The following PRH1 variants were observed in gnomAD, a reference collection of about 807,000 sequenced individuals.
PRH1 encodes salivary acidic proline-rich phosphoprotein 1/2.
PRH1 carries 7 observed loss-of-function variants against 7.9 expected under a neutral mutation model. That is an observed-to-expected ratio of 0.89 (90% confidence interval 0.50 to 1.67). The LOEUF (loss-of-function observed/expected upper bound fraction) is 1.67, where lower values mean the gene tolerates loss of function less well. Among genes scored for constraint, PRH1 ranks in the 40% most tolerant of loss-of-function variants. PRH1 has a pLI of 0.00. For missense variants in PRH1, 109 were observed against 223.6 expected (o/e 0.49, Z 3.27); for synonymous variants, 45 against 80.8 (o/e 0.56, Z 2.38).
intron 2 of PRH1, chr12:10,973,647 G>C (rs1302998101): frequency 1.3e-6 from 1 of 778,402 alleles, no homozygotes; most frequent in East Asian, 2.4e-5. Context: ...TTGATATGTA[G>C]AAGTTACCTG....
chr12:11,000,879 GT>G (rs1172923247), intron 1 of PRH1, among the ~76,000 whole-genome samples: 1 of 151,814 alleles, frequency 6.6e-6, no homozygotes, highest in East Asian at 1.9e-4. Context: ...TGCTATTATT[GT>G]TTTAGTAGCA....
intron 1 of PRH1, chr12:10,996,849 T>C: frequency 2.4e-6 from 3 of 1,253,874 alleles, no homozygotes; most frequent in Non-Finnish European, 3.2e-6. Context: ...ATTACTCAAA[T>C]ACATAGACTA....
intron 2 of PRH1, chr12:10,964,443 C>T (rs912515811): frequency 4.2e-6 from 1 of 239,284 alleles, no homozygotes; most frequent in Admixed American, 4.0e-5. Context: ...AGTTTCAGGT[C>T]TTTTACTCAG....
chr12:10,884,186 A>T lies in PRH1; in HGVS notation c.32T>A (p.Leu11Gln). 6.2e-7 allele frequency: 1 copy of T among 1,614,208 alleles called. No homozygotes were observed. The highest frequency in any genetic ancestry group is 8.5e-7 in the Non-Finnish European group (1 of 1,180,014). The part of the protein sequence containing the change: MLLILLSVAL[L>Q]AFSSAQDLNE... ...TAAATCCTGAGCTGAGCTGAAGGCC[A>T]GCAGGGCCACTGACAGCAGAATCAG... Residue 11 changes from leucine to glutamine, a missense_variant, in exon 1 of 4, where the codon CTG becomes CAG. By Grantham distance (113) the Leu-to-Gln change is moderately radical. This residue lies in a region of PRH1 where 60 missense variants were observed against 76.5 expected (regional missense o/e 0.78). Transcript: ENST00000543626.
At chr12:11,037,682 A>G (rs1942495567) in intron 1 of PRH1, among the ~76,000 whole-genome samples, 1 of 152,266 alleles carries the variant, frequency 6.6e-6, no homozygotes, top group Non-Finnish European at 1.5e-5. Flanking sequence ...TTTCAAATTC[A>G]TATTAGCATT....
chr12:11,106,502 T>A (rs957986371), intron 1 of PRH1, among the ~76,000 whole-genome samples: 5 of 152,038 alleles, frequency 3.3e-5, no homozygotes, highest in Non-Finnish European at 7.4e-5. Context: ...AAATATTAAT[T>A]TTTTAGTTAA....
At chr12:10,939,765 AGATCTATT>A (rs1404122525) in intron 2 of PRH1, among the ~76,000 whole-genome samples, 1 of 152,070 alleles carries the variant, frequency 6.6e-6, no homozygotes, top group Non-Finnish European at 1.5e-5. Flanking sequence ...TGCTTTTCTG[AGATCTATT>A]GAACAGCATT....
At chr12:11,062,390 A>C (rs1943650056) in intron 1 of PRH1, 1 of 1,347,546 alleles carries the variant, frequency 7.4e-7, no homozygotes, top group African/African-American at 1.5e-5. Context: ...TATGCACCTG[A>C]TTTGTGTATG....
chr12:11,021,934 C>T (rs370728247), intron 1 of PRH1: 33 of 1,614,040 alleles, frequency 2.0e-5, no homozygotes, highest in South Asian at 1.2e-4. Flanking sequence ...AGATCCTTTG[C>T]TATGGAGCCG....
chr12:11,029,712 A>C (rs1249489720), intron 1 of PRH1, among the ~76,000 whole-genome samples: 1 of 152,064 alleles, frequency 6.6e-6, no homozygotes. Flanking sequence ...ATTTTTTCCT[A>C]AGCTATTCAC....
chr12:10,929,243 A>T lies in PRH1; in HGVS notation c.-59+44412T>A, dbSNP rs1308727544. On this transcript the variant is annotated intron_variant, in intron 2 of 3. Coordinates refer to the PRH1 transcript ENST00000539853. ...AGCTGACACGTTTCTCCCAGCATAA[A>T]GTTGGGAGTGACACCAGAGCCTTCT... The T allele has an allele frequency of 1.2e-5, 20 of 1,613,702 alleles. No homozygotes were observed. The East Asian group carries it at 1.3e-4, about 11-fold the overall frequency.
In PRH1 at chr12:11,054,213, T is replaced by C. The variant is rs550713495; in HGVS notation, n.124-7025A>G. Among the ~76,000 whole-genome samples, 15 of 151,344 alleles carry C rather than the reference T, an allele frequency of 9.9e-5. No homozygotes were observed. In the East Asian group the frequency reaches 2.9e-3, roughly 29 times the overall value. ...CACAAAATCAACATATTTCTAATGA[T>C]TTGCAAGATATTTTTTCTTTTACCA... is the stretch of plus-strand genomic sequence containing the variant. On this transcript the variant is annotated intron_variant and non_coding_transcript_variant, in intron 1 of 4. Transcript: ENST00000541977.
chr12:11,030,533 C>T, intron 1 of PRH1: 1 of 1,614,202 alleles, frequency 6.2e-7, no homozygotes, highest in Non-Finnish European at 8.5e-7. Flanking sequence ...ATAGCTGAAT[C>T]TAATAGCTTT....
At chr12:10,926,444 T>C (rs936170515) in intron 2 of PRH1, among the ~76,000 whole-genome samples, 7 of 152,174 alleles carry the variant, frequency 4.6e-5, no homozygotes, top group Admixed American at 4.6e-4. Flanking sequence ...GATTTAGTCA[T>C]GTGGGTGTGA....
chr12:11,100,482 C>T (rs1164053351), intron 1 of PRH1, among the ~76,000 whole-genome samples: 2 of 152,190 alleles, frequency 1.3e-5, no homozygotes, highest in African/African-American at 4.8e-5. Flanking sequence ...GTGAGCAGCA[C>T]TGGATCTCAA....
intron 1 of PRH1, among the ~76,000 whole-genome samples, chr12:10,994,226 T>C (rs1232682127): frequency 6.6e-6 from 1 of 152,166 alleles, no homozygotes; most frequent in Non-Finnish European, 1.5e-5. Flanking sequence ...GATCACCACA[T>C]TGTGGGCATG....
intron 2 of PRH1, among the ~76,000 whole-genome samples, chr12:10,940,496 T>G (rs2135891378): frequency 6.6e-6 from 1 of 152,368 alleles, no homozygotes; most frequent in East Asian, 1.9e-4. Context: ...TGTGTTTGAA[T>G]GAGTTCATCC....
intron 1 of PRH1, among the ~76,000 whole-genome samples, chr12:11,057,031 G>C (rs1943390275): frequency 1.8e-5 from 1 of 55,500 alleles, no homozygotes. Flanking sequence ...TTCTTAGACA[G>C]AGTCTCCCTC....
chr12:10,919,381 G>A (rs1420340199), intron 2 of PRH1, among the ~76,000 whole-genome samples: 1 of 152,134 alleles, frequency 6.6e-6, no homozygotes, highest in Non-Finnish European at 1.5e-5. Context: ...CATGAAAGGT[G>A]AGAGGATAGA....
Sources: allele counts gnomAD v4.1 joint callset (sites outside exome capture counted in the v4.1 genomes callset), GRCh38; gene constraint gnomAD v4.1.1; regional missense constraint gnomAD v4.1.1; transcripts MANE v1.5; gene names NCBI Gene and HGNC (gene_info 2026-07-23, HGNC 2026-07-21).